Variants in CRTAC1 observed in about 807,000 individuals in gnomAD.
The protein encoded by CRTAC1 is acidic secreted protein in cartilage.
Under a neutral mutation model 67.8 loss-of-function variants are expected in CRTAC1, and 37 were observed. That is an observed-to-expected ratio of 0.55 (90% CI 0.42 to 0.72). CRTAC1 has a LOEUF of 0.72. Among genes scored for constraint, CRTAC1 ranks in the 30% least tolerant of loss-of-function variants. The pLI is 0.00. For missense variants in CRTAC1, 780 were observed against 931.6 expected (o/e 0.84, Z 2.12); for synonymous variants, 348 against 371.0 (o/e 0.94, Z 0.71).
intron 11 of CRTAC1, among the ~76,000 whole-genome samples, chr10:97,890,633 C>A (rs2050356136): frequency 6.6e-6 from 1 of 151,928 alleles, no homozygotes; most frequent in Admixed American, 6.6e-5. Context: ...CAATCCATTC[C>A]TCTGTTCTGC....
At chr10:97,920,832 G>A (rs2050826379) in intron 4 of CRTAC1, among the ~76,000 whole-genome samples, 1 of 152,252 alleles carries the variant, frequency 6.6e-6, no homozygotes, top group Non-Finnish European at 1.5e-5. Context: ...TCTTTGAAAA[G>A]ATAAAAATGC....
chr10:98,011,688 T>A (rs1004807509), intron 1 of CRTAC1, among the ~76,000 whole-genome samples: 1 of 152,188 alleles, frequency 6.6e-6, no homozygotes, highest in African/African-American at 2.4e-5. Flanking sequence ...TGGGCAAGGA[T>A]CTCTGTTTTA....
rs530976356 is a variant in CRTAC1, at chr10:98,030,010, G to A, written c.24+439C>T. On this transcript the variant is annotated intron_variant, in intron 1 of 14. Transcript: ENST00000370597. The surrounding 1 kb of genome is among the most constrained non-coding windows in gnomAD (Gnocchi z 4.2). ...CCCAGCCTGGAAGCGTAGGCACTCG[G>A]CCGAGGCCAGTGGCTTCCCAGGCCC... is the stretch of plus-strand genomic sequence containing the variant. 1.3e-5 allele frequency among the ~76,000 whole-genome samples: 2 copies of A among 151,472 alleles called. No homozygotes were observed. Among genetic ancestry groups the A allele is most frequent in the Admixed American group, 6.6e-5 (1 of 15,244 alleles).
chr10:97,979,039 C>A (rs1432310099), intron 2 of CRTAC1, among the ~76,000 whole-genome samples: 1 of 152,062 alleles, frequency 6.6e-6, no homozygotes, highest in Non-Finnish European at 1.5e-5. Context: ...TGGTCCTCGA[C>A]TCTGTGTGGA....
intron 3 of CRTAC1, among the ~76,000 whole-genome samples, chr10:97,931,111 T>C (rs1197373495): frequency 6.7e-6 from 1 of 150,130 alleles, no homozygotes; most frequent in Admixed American, 6.7e-5. Flanking sequence ...GTCTCCTTCA[T>C]TTTAACAAAA....
chr10:97,961,802 C>T lies in CRTAC1; in HGVS notation c.225-25436G>A, dbSNP rs531370071. ...AAAGCCCCAGTAGTCTGGGAGGCCA[C>T]GGTGGGAGGATTGCTTGCAGCTAGG... On this transcript the variant is annotated intron_variant, in intron 2 of 14. Coordinates refer to ENST00000370597, the MANE Select transcript of CRTAC1 (RefSeq NM_018058.7). Among the ~76,000 whole-genome samples, 9 of 152,116 alleles carry T rather than the reference C, an allele frequency of 5.9e-5. No homozygotes were observed. In the South Asian group the frequency reaches 8.3e-4, roughly 14 times the overall value.
chr10:97,923,364 C>T lies in CRTAC1; in HGVS notation c.458G>A (p.Arg153His), dbSNP rs371860011. 59 of 1,614,002 alleles carry T rather than the reference C, an allele frequency of 3.7e-5. No homozygotes were observed. Among genetic ancestry groups the T allele is most frequent in the Middle Eastern group, 1.6e-4 (1 of 6,084 alleles). ...CAGGATGTCTTCCCACCGGTTATTG[C>T]GGAACTTGAACAACTTGTCGGTGTA... ...ATYTDKLFKF[R>H]NNRWEDILSD... Residue 153 changes from arginine to histidine, a missense_variant, in exon 4 of 15, where the codon CGC becomes CAC. Physicochemically the swap from Arg to His is conservative, Grantham distance 29. Transcript: ENST00000370597.
intron 3 of CRTAC1, among the ~76,000 whole-genome samples, chr10:97,930,593 C>T (rs1487234346): frequency 6.6e-6 from 1 of 152,158 alleles, no homozygotes; most frequent in Non-Finnish European, 1.5e-5. Flanking sequence ...GCTTCTGGCC[C>T]ATGCATCAGA....
At chr10:97,990,841 C>T (rs554124135) in intron 2 of CRTAC1, among the ~76,000 whole-genome samples, 9 of 152,060 alleles carry the variant, frequency 5.9e-5, no homozygotes, top group Non-Finnish European at 1.0e-4. Context: ...GACATTGATT[C>T]ATAGGAAACT....
Position 97,988,490 on chromosome 10 carries a change from G to A in CRTAC1, c.224+22648C>T, listed in dbSNP as rs185009183. 3.9e-3 allele frequency among the ~76,000 whole-genome samples: 591 copies of A among 152,270 alleles called. 2 individuals are homozygous for A. Among genetic ancestry groups the A allele is most frequent in the African/African-American group, 0.013 (560 of 41,546 alleles). ...TAATCCCAGCACTTTGGGAGGCCGAGGCAGGCGGATCACTTGAGGTCAGAA... is the reference window on the plus strand; with the variant it reads ...TAATCCCAGCACTTTGGGAGGCCGAAGCAGGCGGATCACTTGAGGTCAGAA... On this transcript the variant is annotated intron_variant, in intron 2 of 14. Transcript: ENST00000370597.
intron 2 of CRTAC1, among the ~76,000 whole-genome samples, chr10:97,987,323 G>A (rs1324430926): frequency 2.0e-5 from 3 of 152,094 alleles, no homozygotes; most frequent in Non-Finnish European, 4.4e-5. Context: ...TTCTTTTCCC[G>A]ACTGGGGTTC....
intron 14 of CRTAC1, chr10:97,870,504 C>T (rs551248280): frequency 7.9e-5 from 12 of 152,230 alleles, no homozygotes; most frequent in Middle Eastern, 3.4e-3. Context: ...TGTTCTGTTT[C>T]TTGATCAGAG....
rs2051938223 is a variant in CRTAC1 at position 97,983,885 on chromosome 10, C to T, written c.224+27253G>A. ...GTATGCATATAACACACAGCATACA[C>T]ACATTTTTTTATTTTGGGAAACCTA... On this transcript the variant is annotated intron_variant, in intron 2 of 14. Transcript: ENST00000370597. Among the ~76,000 whole-genome samples the T allele has an allele frequency of 2.6e-5, 4 of 152,342 alleles. No homozygotes were observed. The Middle Eastern group carries it at 0.01, about 389-fold the overall frequency.
rs559558917 is a variant in CRTAC1 at position 97,888,565 on chromosome 10, T to C, written c.1487-4214A>G. Among the ~76,000 whole-genome samples the C allele has an allele frequency of 3.9e-5, 6 of 152,252 alleles. No individual in the cohort carries two copies. The East Asian group carries it at 1.2e-3, about 29-fold the overall frequency. On this transcript the variant is annotated intron_variant, in intron 11 of 14. Coordinates refer to ENST00000370597, the MANE Select transcript of CRTAC1 (RefSeq NM_018058.7). The stretch of plus-strand genomic sequence containing the variant: ...TATCCCCATTCTCCAGATACTGACA[T>C]TGAGGCTTGACAAGGGGAAGTGACT...
chr10:97,877,026 C>A (rs2050156466), intron 14 of CRTAC1, among the ~76,000 whole-genome samples: 1 of 115,788 alleles, frequency 8.6e-6, no homozygotes, highest in Non-Finnish European at 1.6e-5. Context: ...TCCTCTGTAT[C>A]TTTCAGCCTT....
rs1042659992 is a variant in CRTAC1, at chr10:98,029,571, C to G, written c.24+878G>C. Among the ~76,000 whole-genome samples, 1 of 151,712 alleles carries G rather than the reference C, an allele frequency of 6.6e-6. No individual in the cohort carries two copies. The highest frequency in any genetic ancestry group is 2.4e-5 in the African/African-American group (1 of 41,354). On this transcript the variant is annotated intron_variant, in intron 1 of 14. Transcript: ENST00000370597. The surrounding 1 kb of genome is among the most constrained non-coding windows in gnomAD (Gnocchi z 4.7). ...ATTAGTCATTCCTGGAGGAAGCCCC[C>G]CCAGCTCTCAACCCTAGGAGAATTT... is the stretch of plus-strand genomic sequence containing the variant.
In CRTAC1 at chr10:97,897,070, C is replaced by T. The variant is rs1044340606; in HGVS notation, c.1134-79G>A. ...AGAAGGCCCACCTGCTCCATTCTGT[C>T]CCCTGAGCATCCCCGGGTCCCAATG... On this transcript the variant is annotated intron_variant, in intron 8 of 14. Coordinates refer to ENST00000370597, the MANE Select transcript of CRTAC1 (RefSeq NM_018058.7). The T allele has an allele frequency of 4.8e-6, 5 of 1,044,362 alleles. No homozygotes were observed. In the South Asian group the frequency reaches 7.7e-5, roughly 16 times the overall value. 64.7% of individuals were successfully genotyped at this position (1,044,362 alleles called of 1,614,324 possible).
chr10:97,920,796 T>C (rs1448733126), intron 4 of CRTAC1, among the ~76,000 whole-genome samples: 1 of 152,202 alleles, frequency 6.6e-6, no homozygotes, highest in East Asian at 1.9e-4. Flanking sequence ...CTTGAGAAGA[T>C]GAAATGAGAC....
intron 2 of CRTAC1, among the ~76,000 whole-genome samples, chr10:97,947,118 G>C (rs946990338): frequency 6.6e-6 from 1 of 152,208 alleles, no homozygotes; most frequent in Admixed American, 6.5e-5. Context: ...GGACAGAATA[G>C]TTGGGGCAAG....
Sources: gnomAD v4.1 joint callset for allele counts (sites outside exome capture counted in the v4.1 genomes callset) on GRCh38, gnomAD v4.1.1 for gene constraint, Gnocchi (gnomAD v3.1) non-coding constraint, MANE v1.5 for transcripts, NCBI Gene and HGNC (gene_info 2026-07-23, HGNC 2026-07-21) for gene names.